The following WDPCP variants were observed in gnomAD, a reference collection of about 807,000 sequenced individuals.
WDPCP encodes the protein WD repeat-containing and planar cell polarity effector protein fritz homolog.
Under a neutral mutation model 93.1 loss-of-function variants are expected in WDPCP, and 71 were observed. That is an observed-to-expected ratio of 0.76 (90% CI 0.63 to 0.93). WDPCP has a LOEUF of 0.93. Among genes scored for constraint, WDPCP ranks in the 40% least tolerant of loss-of-function variants. The pLI is 0.00. For synonymous variants in WDPCP, 315 were observed against 315.0 expected (o/e 1.00, Z 0.00); for missense variants, 844 against 887.4 (o/e 0.95, Z 0.62).
chr2:63,824,222 T>G (rs1392211536), intron 1 of WDPCP, among the ~76,000 whole-genome samples: 1 of 152,098 alleles, frequency 6.6e-6, no homozygotes, highest in Non-Finnish European at 1.5e-5. Flanking sequence ...CCTGCCACCA[T>G]GTAAGACATG....
chr2:63,246,920 G>A (rs1343483851), intron 14 of WDPCP, among the ~76,000 whole-genome samples: 2 of 152,174 alleles, frequency 1.3e-5, no homozygotes, highest in Non-Finnish European at 2.9e-5. Flanking sequence ...TATGATAATA[G>A]TGATGATGAA....
At chr2:63,431,962 GAAT>G (rs1252358883) in intron 9 of WDPCP, among the ~76,000 whole-genome samples, 1 of 151,276 alleles carries the variant, frequency 6.6e-6, no homozygotes, top group Non-Finnish European at 1.5e-5. Context: ...TGCATAAAAT[GAAT>G]AATTTTCTAT....
At chr2:63,477,539 A>G (rs539003251) in intron 6 of WDPCP, among the ~76,000 whole-genome samples, 2 of 152,226 alleles carry the variant, frequency 1.3e-5, no homozygotes, top group Admixed American at 1.3e-4. Flanking sequence ...AGGCAGGACT[A>G]AACTAAAGCT....
intron 2 of WDPCP, among the ~76,000 whole-genome samples, chr2:63,812,719 C>T (rs1670879670): frequency 6.6e-6 from 1 of 152,220 alleles, no homozygotes; most frequent in South Asian, 2.1e-4. Context: ...GGTGTTGTTT[C>T]AAACCTCTCT....
At chr2:63,571,820 A>G (rs1707526656) in intron 1 of WDPCP, among the ~76,000 whole-genome samples, 1 of 152,218 alleles carries the variant, frequency 6.6e-6, no homozygotes, top group African/African-American at 2.4e-5. Flanking sequence ...CATGTAGTCT[A>G]CTGGGTTATA....
At chr2:63,327,863 G>A (rs1687676605) in intron 12 of WDPCP, among the ~76,000 whole-genome samples, 1 of 152,178 alleles carries the variant, frequency 6.6e-6, no homozygotes. Flanking sequence ...CCCCAAATGA[G>A]TTCGACTAAC....
intron 3 of WDPCP, among the ~76,000 whole-genome samples, chr2:63,608,837 C>A (rs72806055): frequency 0.19 from 29,279 of 151,974 alleles, 3,654 homozygotes; most frequent in Non-Finnish European, 0.25. Context: ...TTACCTAGAT[C>A]ATTTTATGAT....
At chr2:63,336,805 TTA>T (rs1363030936) in intron 12 of WDPCP, among the ~76,000 whole-genome samples, 2 of 151,710 alleles carry the variant, frequency 1.3e-5, no homozygotes, top group Non-Finnish European at 2.9e-5. Flanking sequence ...ATAAATATAT[TTA>T]TATATATATT....
At chr2:63,336,361 T>C (rs879318167) in intron 12 of WDPCP, among the ~76,000 whole-genome samples, 2 of 152,206 alleles carry the variant, frequency 1.3e-5, no homozygotes, top group Non-Finnish European at 2.9e-5. Flanking sequence ...TTCTTTTACC[T>C]AATTGCTCTG....
chr2:63,711,598 A>C (rs1669265235), intron 2 of WDPCP: 1 of 152,232 alleles, frequency 6.6e-6, no homozygotes, highest in South Asian at 2.1e-4. Context: ...CTATCTAAAA[A>C]ACAAAACAAA....
At chr2:63,374,286 G>A (rs1490654551) in intron 12 of WDPCP, among the ~76,000 whole-genome samples, 4 of 152,176 alleles carry the variant, frequency 2.6e-5, no homozygotes, top group South Asian at 2.1e-4. Context: ...CCAGGAGAAC[G>A]TTGAGTTTGC....
rs536834842 is a variant in WDPCP at position 63,807,078 on chromosome 2, G to C, written n.308+6544C>G. 4.6e-5 allele frequency among the ~76,000 whole-genome samples: 7 copies of C among 152,340 alleles called. No individual in the cohort carries two copies. The East Asian group carries it at 1.2e-3, about 25-fold the overall frequency. On this transcript the variant is annotated intron_variant and non_coding_transcript_variant, in intron 2 of 4. Coordinates refer to the WDPCP transcript ENST00000467687. ...ATGAAATCTGTACAATTTATGTTTA[G>C]AGATTGCAGTAAAGACAGGCATAAG...
At chr2:63,434,859 C>T (rs1038009926) in intron 8 of WDPCP, among the ~76,000 whole-genome samples, 1 of 151,942 alleles carries the variant, frequency 6.6e-6, no homozygotes, top group East Asian at 1.9e-4. Flanking sequence ...GGCAGTAATG[C>T]GATAATGCCA....
At chr2:63,423,872 C>T (rs1375317165) in intron 9 of WDPCP, among the ~76,000 whole-genome samples, 1 of 152,148 alleles carries the variant, frequency 6.6e-6, no homozygotes, top group Middle Eastern at 3.4e-3. Flanking sequence ...CAACTAGACA[C>T]AGCCAGGACG....
Position 63,718,120 on chromosome 2 carries a change from G to GAT in WDPCP, n.309-67284_309-67283dup, listed in dbSNP as rs899261875. Among the ~76,000 whole-genome samples the GAT allele has an allele frequency of 1.6e-4, 25 of 151,866 alleles. No individual in the cohort carries two copies. In the East Asian group the frequency reaches 3.3e-3, roughly 20 times the overall value. The stretch of plus-strand genomic sequence containing the variant: ...GATAAATATATGATATGATATATAT[G>GAT]ATATATATATGTCACATTTTCTTTC... On this transcript the variant is annotated intron_variant and non_coding_transcript_variant, in intron 2 of 4. Coordinates refer to the WDPCP transcript ENST00000467687.
chr2:63,608,637 C>T (rs910299522), intron 3 of WDPCP, among the ~76,000 whole-genome samples: 2 of 151,496 alleles, frequency 1.3e-5, no homozygotes, highest in African/African-American at 4.9e-5. Context: ...AACAAGACCC[C>T]ATCTCTACAA....
At chr2:63,469,535 A>G (rs78198660) in intron 6 of WDPCP, among the ~76,000 whole-genome samples, 1 of 152,228 alleles carries the variant, frequency 6.6e-6, no homozygotes, top group East Asian at 1.9e-4. Flanking sequence ...GACTAAGACC[A>G]TGTTCTTTCC....
chr2:63,825,063 G>A lies in WDPCP; in HGVS notation n.222+2559C>T, dbSNP rs549765351. 2.6e-5 allele frequency among the ~76,000 whole-genome samples: 4 copies of A among 152,220 alleles called. No individual in the cohort carries two copies. The South Asian group carries it at 6.2e-4, about 24-fold the overall frequency. Reference sequence around the variant, plus strand: ...TTAAGACCTTAATAAATTTGGGCGCGAGATAAATTTTTAAAATTACAAAAG... The same window carrying A: ...TTAAGACCTTAATAAATTTGGGCGCAAGATAAATTTTTAAAATTACAAAAG... On this transcript the variant is annotated intron_variant and non_coding_transcript_variant, in intron 1 of 4. Coordinates refer to the WDPCP transcript ENST00000467687.
intron 2 of WDPCP, among the ~76,000 whole-genome samples, chr2:63,809,032 G>A (rs535798327): frequency 1.4e-5 from 2 of 147,694 alleles, no homozygotes; most frequent in South Asian, 4.4e-4. Context: ...TACCCGGCCG[G>A]GACCCCGTCT....
Sources: allele counts gnomAD v4.1 joint callset (sites outside exome capture counted in the v4.1 genomes callset), GRCh38; gene constraint gnomAD v4.1.1; transcripts MANE v1.5; gene names NCBI Gene and HGNC (gene_info 2026-07-23, HGNC 2026-07-21).